The following PPP2R5E variants were observed in gnomAD, a reference collection of about 807,000 sequenced individuals.
PPP2R5E encodes protein phosphatase 2 regulatory subunit B'epsilon.
In PPP2R5E, 4 loss-of-function variants were observed where a neutral mutation model predicts 65.3. The observed-to-expected ratio is 0.06, with a 90% CI of 0.03 to 0.14. The LOEUF (loss-of-function observed/expected upper bound fraction) is 0.14, where lower values mean the gene tolerates loss of function less well. Ranked by LOEUF, PPP2R5E falls within the 10% of genes least tolerant of loss-of-function variation. The pLI is 1.00. For synonymous variants in PPP2R5E, 183 were observed against 187.4 expected, an observed-to-expected ratio of 0.98 and a Z score of 0.19; for missense variants, 274 against 556.1, an observed-to-expected ratio of 0.49 and a Z score of 5.10.
At chr14:63,472,172 C>G (rs1182505409) in intron 2 of PPP2R5E, among the ~76,000 whole-genome samples, 1 of 152,204 alleles carries the variant, frequency 6.6e-6, no homozygotes, top group East Asian at 1.9e-4. Flanking sequence ...TGGTGACAGG[C>G]GCCTGTAATC....
intron 2 of PPP2R5E, among the ~76,000 whole-genome samples, chr14:63,536,101 T>A (rs901213139): frequency 6.6e-6 from 1 of 152,228 alleles, no homozygotes; most frequent in African/African-American, 2.4e-5. Flanking sequence ...CACTCTGGAA[T>A]TAGGTTTGTG....
At chr14:63,485,257 C>T (rs1890923687) in intron 2 of PPP2R5E, among the ~76,000 whole-genome samples, 1 of 151,068 alleles carries the variant, frequency 6.6e-6, no homozygotes, top group Non-Finnish European at 1.5e-5. Flanking sequence ...TGAATACCCT[C>T]TTCCATTTTA....
chr14:63,381,995 AG>A, intron 13 of PPP2R5E, 60 bp downstream of exon 13: 1 of 1,380,970 alleles, frequency 7.2e-7, no homozygotes, highest in Non-Finnish European at 9.9e-7. Flanking sequence ...ACTTCAGCAA[AG>A]AGCAAGGAAA....
At chr14:63,414,231 G>A (rs1008590276) in intron 5 of PPP2R5E, among the ~76,000 whole-genome samples, 1 of 152,084 alleles carries the variant, frequency 6.6e-6, no homozygotes, top group Non-Finnish European at 1.5e-5. Context: ...AAGGTTATCA[G>A]CCCCATCCCA....
At chr14:63,480,987 A>C (rs1388130224) in intron 2 of PPP2R5E, among the ~76,000 whole-genome samples, 1 of 152,220 alleles carries the variant, frequency 6.6e-6, no homozygotes, top group Non-Finnish European at 1.5e-5. Context: ...ATTCTTTTGC[A>C]AATCTAGTAG....
chr14:63,388,567 A>G (rs1884820374), intron 11 of PPP2R5E, among the ~76,000 whole-genome samples: 1 of 152,206 alleles, frequency 6.6e-6, no homozygotes, highest in African/African-American at 2.4e-5. Flanking sequence ...GTGGTATCAA[A>G]ATATCTATAT....
chr14:63,461,641 A>T (rs1020221571), intron 2 of PPP2R5E, among the ~76,000 whole-genome samples: 25 of 75,386 alleles, frequency 3.3e-4, no homozygotes, highest in Admixed American at 1.9e-3. Flanking sequence ...TACAAAATTT[A>T]AAAAAAAAAA....
intron 2 of PPP2R5E, among the ~76,000 whole-genome samples, chr14:63,487,011 G>A (rs986351117): frequency 6.6e-6 from 1 of 152,090 alleles, no homozygotes; most frequent in African/African-American, 2.4e-5. Flanking sequence ...AGTCCTATGA[G>A]ACCAGCACAT....
chr14:63,382,478 C>T (rs955406102), intron 12 of PPP2R5E, among the ~76,000 whole-genome samples: 8 of 151,852 alleles, frequency 5.3e-5, no homozygotes, highest in African/African-American at 1.2e-4. Flanking sequence ...CTTGGCTCAC[C>T]GCAACCTCCG....
intron 2 of PPP2R5E, among the ~76,000 whole-genome samples, chr14:63,509,020 C>G (rs1381002559): frequency 6.6e-6 from 1 of 152,186 alleles, no homozygotes; most frequent in Non-Finnish European, 1.5e-5. Flanking sequence ...AATATAAAAT[C>G]AGTAACTTTT....
intron 13 of PPP2R5E, among the ~76,000 whole-genome samples, chr14:63,379,089 T>A (rs1884161320): frequency 6.6e-6 from 1 of 151,348 alleles, no homozygotes; most frequent in South Asian, 2.1e-4. Context: ...AGTGCAGTGG[T>A]GTAATCTCGG....
At chr14:63,411,300 A>C (rs571084359) in intron 5 of PPP2R5E, among the ~76,000 whole-genome samples, 12 of 152,312 alleles carry the variant, frequency 7.9e-5, no homozygotes, top group African/African-American at 2.9e-4. Flanking sequence ...ATCAAGGATA[A>C]AACTCAAAGA....
intron 5 of PPP2R5E, among the ~76,000 whole-genome samples, chr14:63,397,502 TAAAAAAAAAAA>T (rs1163450765): frequency 5.8e-4 from 36 of 62,294 alleles, no homozygotes; most frequent in Admixed American, 2.1e-3. Flanking sequence ...ATTCGGTCTT[TAAAAAAAAAAA>T]AAAAAAAAAA....
At chr14:63,521,183 TAC>T in intron 2 of PPP2R5E, among the ~76,000 whole-genome samples, 1 of 152,318 alleles carries the variant, frequency 6.6e-6, no homozygotes, top group East Asian at 1.9e-4. Context: ...ACTAAACCAG[TAC>T]AGTTAAAATA....
chr14:63,485,825 CTTTTTTT>C (rs770156529), intron 2 of PPP2R5E, among the ~76,000 whole-genome samples: 8 of 130,634 alleles, frequency 6.1e-5, no homozygotes, highest in African/African-American at 1.7e-4. Flanking sequence ...TACTGACAAA[CTTTTTTT>C]TTTTTTTTTT....
intron 12 of PPP2R5E, among the ~76,000 whole-genome samples, chr14:63,383,884 C>G (rs920127300): frequency 7.9e-5 from 12 of 152,046 alleles, no homozygotes; most frequent in African/African-American, 2.9e-4. Context: ...CTAGTCAGAC[C>G]ACTTCCCCAC....
rs755671786 is a variant in PPP2R5E at position 63,395,210 on chromosome 14, G to A, written c.740+16C>T. On this transcript the variant is annotated intron_variant, in intron 7 of 13. Transcript: ENST00000337537. Reference sequence around the variant, plus strand: ...AATATTCATCTGAGATTAGCAATTAGAAAAACCGTGCTCACCTTCCTAATA... The same window carrying A: ...AATATTCATCTGAGATTAGCAATTAAAAAAACCGTGCTCACCTTCCTAATA... 1.1e-5 allele frequency: 17 copies of A among 1,600,160 alleles called. No individual in the cohort carries two copies. The Admixed American group carries it at 2.7e-4, about 25-fold the overall frequency.
chr14:63,503,215 G>C (rs955279127), intron 2 of PPP2R5E, among the ~76,000 whole-genome samples: 12 of 152,198 alleles, frequency 7.9e-5, no homozygotes, highest in Non-Finnish European at 1.6e-4. Context: ...GAGTGAGCTA[G>C]ACTAGACAAA....
chr14:63,438,677 C>T (rs1888056866), intron 3 of PPP2R5E, among the ~76,000 whole-genome samples: 1 of 152,166 alleles, frequency 6.6e-6, no homozygotes, highest in Admixed American at 6.5e-5. Context: ...TCTGAACAAC[C>T]TTTAAAGCAG....
Sources: gnomAD v4.1 joint callset for allele counts (sites outside exome capture counted in the v4.1 genomes callset) on GRCh38, gnomAD v4.1.1 for gene constraint, MANE v1.5 for transcripts, NCBI Gene and HGNC (gene_info 2026-07-23, HGNC 2026-07-21) for gene names.